Variants in XNDC1N observed in about 807,000 individuals in gnomAD.
The protein encoded by XNDC1N is protein XNDC1N.
the XNDC1N span, among the ~76,000 whole-genome samples, chr11:71,869,341 G>A: frequency 6.6e-6 from 1 of 152,082 alleles, no homozygotes; most frequent in East Asian, 1.9e-4. Flanking sequence ...TGAGAATGAT[G>A]GTTTCCAGCT....
At chr11:71,923,766 A>G in the XNDC1N span, among the ~76,000 whole-genome samples, 1,847 of 152,262 alleles carry the variant, frequency 0.012, 23 homozygotes, top group Non-Finnish European at 0.02. Context: ...CGTGTTAGCC[A>G]GGATGGTCTC....
At chr11:71,883,169 C>T in the XNDC1N span, among the ~76,000 whole-genome samples, 1 of 152,042 alleles carries the variant, frequency 6.6e-6, no homozygotes, top group Non-Finnish European at 1.5e-5. Context: ...CCATACTATT[C>T]AAAGCAATTT....
At chr11:71,920,606 A>C in the XNDC1N span, among the ~76,000 whole-genome samples, 1 of 152,220 alleles carries the variant, frequency 6.6e-6, no homozygotes, top group Non-Finnish European at 1.5e-5. Context: ...TGCCCGGCCA[A>C]GATGTTTTCA....
the XNDC1N span, among the ~76,000 whole-genome samples, chr11:71,919,327 C>G: frequency 2.0e-5 from 3 of 151,802 alleles, no homozygotes. Flanking sequence ...CAGAAACTTA[C>G]TGAAGGCCAT....
the XNDC1N span, chr11:71,884,644 A>G: frequency 6.7e-7 from 1 of 1,492,228 alleles, no homozygotes; most frequent in African/African-American, 1.4e-5. Context: ...AACATGATAG[A>G]TGAAAATTAT....
the XNDC1N span, among the ~76,000 whole-genome samples, chr11:71,908,114 C>G: frequency 3.9e-5 from 6 of 152,098 alleles, no homozygotes; most frequent in Non-Finnish European, 7.4e-5. Flanking sequence ...TGGGTATACA[C>G]CCACTGAGGT....
At chr11:71,917,922 T>G in the XNDC1N span, 1 of 601,818 alleles carries the variant, frequency 1.7e-6, no homozygotes, top group Non-Finnish European at 3.0e-6. Flanking sequence ...AGGGAGCCAG[T>G]AACTGGAGTG....
chr11:71,920,321 T>A, the XNDC1N span, among the ~76,000 whole-genome samples: 1 of 150,108 alleles, frequency 6.7e-6, no homozygotes, highest in African/African-American at 2.5e-5. Flanking sequence ...TTCTTATTTT[T>A]TTTTGAGATG....
At chr11:71,886,278 T>C in the XNDC1N span, among the ~76,000 whole-genome samples, 7 of 152,096 alleles carry the variant, frequency 4.6e-5, no homozygotes, top group African/African-American at 1.4e-4. Flanking sequence ...CCTGGGCTGA[T>C]TGGCACCAGT....
the XNDC1N span, among the ~76,000 whole-genome samples, chr11:71,919,613 T>TTG: frequency 7.4e-5 from 1 of 13,426 alleles, no homozygotes; most frequent in African/African-American, 1.1e-4. Flanking sequence ...TGGTTTTTTT[T>TTG]TTTGTTTGTT....
At chr11:71,921,033 G>A in the XNDC1N span, among the ~76,000 whole-genome samples, 1 of 152,104 alleles carries the variant, frequency 6.6e-6, no homozygotes, top group East Asian at 1.9e-4. Flanking sequence ...TGCCCAGGGT[G>A]GAGTGTAGGG....
At chr11:71,886,174 C>A in the XNDC1N span, among the ~76,000 whole-genome samples, 1 of 152,068 alleles carries the variant, frequency 6.6e-6, no homozygotes, top group Non-Finnish European at 1.5e-5. Context: ...CTGCGTCAAT[C>A]TTCTCAACTG....
At chr11:71,926,522 A>G in the XNDC1N span, among the ~76,000 whole-genome samples, 6 of 152,228 alleles carry the variant, frequency 3.9e-5, no homozygotes, top group Admixed American at 2.0e-4. Flanking sequence ...TGTCAGAAAC[A>G]ATAAAGTAAT....
At chr11:71,884,512 T>C in the XNDC1N span, 1 of 1,609,760 alleles carries the variant, frequency 6.2e-7, no homozygotes, top group Non-Finnish European at 8.5e-7. Flanking sequence ...GACTTCAGCA[T>C]CTGCTGCAAA....
chr11:71,917,529 C>G, the XNDC1N span: 4 of 703,386 alleles, frequency 5.7e-6, no homozygotes, highest in African/African-American at 1.7e-5. Flanking sequence ...CTCCCACAGT[C>G]TACACCTAAT....
the XNDC1N span, among the ~76,000 whole-genome samples, chr11:71,910,326 A>G: frequency 6.6e-6 from 1 of 152,180 alleles, no homozygotes; most frequent in Admixed American, 6.5e-5. Flanking sequence ...CTTGGACCTG[A>G]AAGACGTTTT....
the XNDC1N span, chr11:71,884,591 A>G: frequency 5.1e-6 from 8 of 1,572,340 alleles, no homozygotes; most frequent in Non-Finnish European, 6.9e-6. Flanking sequence ...TTCAGACTCC[A>G]GGAGAAAAAA....
At chr11:71,904,886 C>T in the XNDC1N span, among the ~76,000 whole-genome samples, 21 of 151,980 alleles carry the variant, frequency 1.4e-4, no homozygotes, top group East Asian at 3.9e-3. Flanking sequence ...ATGATATACA[C>T]CCTGGTGCCA....
chr11:71,887,494 G>C, the XNDC1N span, among the ~76,000 whole-genome samples: 4 of 152,144 alleles, frequency 2.6e-5, no homozygotes, highest in South Asian at 8.4e-4. Flanking sequence ...AACTGAGCCA[G>C]GCCAAGAGAG....
Sources: gnomAD v4.1 joint callset for allele counts (sites outside exome capture counted in the v4.1 genomes callset) on GRCh38, gnomAD v4.1.1 for gene constraint, MANE v1.5 for transcripts, NCBI Gene and HGNC (gene_info 2026-07-23, HGNC 2026-07-21) for gene names.